The following ALKBH4 variants were observed in gnomAD, a reference collection of about 807,000 sequenced individuals.
The protein encoded by ALKBH4 is alpha-ketoglutarate-dependent dioxygenase alkB homolog 4.
In ALKBH4, 8 loss-of-function variants were observed where a neutral mutation model predicts 12.1. That is an observed-to-expected ratio of 0.66 (90% CI 0.39 to 1.19). The LOEUF (loss-of-function observed/expected upper bound fraction) is 1.19, where lower values mean the gene tolerates loss of function less well. Among genes scored for constraint, ALKBH4 ranks in the 50% most tolerant of loss-of-function variants. The pLI is 0.01. For missense variants in ALKBH4, 403 were observed against 430.4 expected (o/e 0.94, Z 0.56); for synonymous variants, 195 against 191.6 (o/e 1.02, Z -0.15).
intron 2 of ALKBH4, 54 bp from the exon 3 acceptor site, chr7:102,458,035 A>T: frequency 6.7e-7 from 1 of 1,500,502 alleles, no homozygotes; most frequent in South Asian, 1.3e-5. Flanking sequence ...GAAGATGTCT[A>T]CCACAGACTA....
intron 1 of ALKBH4, 23 bp downstream of exon 1, chr7:102,464,691 G>A (rs763554754): frequency 2.0e-6 from 3 of 1,497,248 alleles, no homozygotes; most frequent in African/African-American, 1.5e-5. Flanking sequence ...GTTTGTGGGC[G>A]CGGCCCCTCT....
intron 1 of ALKBH4, 69 bp from the exon 2 acceptor site, chr7:102,459,870 C>G: frequency 6.9e-7 from 1 of 1,454,086 alleles, no homozygotes; most frequent in South Asian, 1.4e-5. Flanking sequence ...AAAGTTAAAA[C>G]AGGCCAGGTG....
Position 102,464,051 on chromosome 7 carries a change from A to G in ALKBH4, c.123+663T>C, listed in dbSNP as rs561051486. Among the ~76,000 whole-genome samples, 51 of 140,324 alleles carry G rather than the reference A, an allele frequency of 3.6e-4. No individual in the cohort carries two copies. The East Asian group carries it at 7.8e-3, about 21-fold the overall frequency. 92.1% of individuals were successfully genotyped at this position (140,324 alleles called of 152,430 possible). Reference sequence around the variant, plus strand: ...TGTGATCAGACCTCCCCCCCCCCACAACCTCTCCAGCCTCATCTCTCTCAC... The same window carrying G: ...TGTGATCAGACCTCCCCCCCCCCACGACCTCTCCAGCCTCATCTCTCTCAC... On this transcript the variant is annotated intron_variant, in intron 1 of 2. Coordinates refer to ENST00000292566, the MANE Select transcript of ALKBH4 (RefSeq NM_017621.4).
rs1325014750 is a variant in ALKBH4 at position 102,456,805 on chromosome 7, A to G, written c.*589T>C. 6.6e-6 allele frequency: 1 copy of G among 152,264 alleles called. No homozygotes were observed. The highest frequency in any genetic ancestry group is 1.9e-4 in the East Asian group (1 of 5,186). 9.4% of individuals were successfully genotyped at this position (152,264 alleles called of 1,614,324 possible). A position where few individuals can be genotyped will look rare whatever the true frequency, so the allele number is the denominator to read the frequency against. The stretch of plus-strand genomic sequence containing the variant: ...AACCCCATGAAAATAGATGCATAAT[A>G]AAGGTGAAAATCATTTAAAATGTTC... On this transcript the variant is annotated 3_prime_UTR_variant, in exon 3 of 3. Coordinates refer to ENST00000292566, the MANE Select transcript of ALKBH4 (RefSeq NM_017621.4).
Position 102,457,789 on chromosome 7 carries a change from C to T in ALKBH4, c.514G>A (p.Asp172Asn), listed in dbSNP as rs769556971. 6.2e-6 allele frequency: 10 copies of T among 1,603,966 alleles called. No homozygotes were observed. In the East Asian group the frequency reaches 6.7e-5, roughly 11 times the overall value. The change falls in exon 3 of 3, where the codon GAC becomes AAC. Residue 172 changes from aspartate (D) to asparagine (N), a missense_variant. Transcript: ENST00000292566. This position sits in a 1 kb window ranked among gnomAD's most constrained non-coding sequence, Gnocchi z 5.9. ...RGSAIDPHLD[D>N]AWLWGERLVS... ...AGCCGCTCCCCCCACAGCCAGGCGT[C>T]GTCCAGGTGGGGGTCAATGGCAGAG...
rs963709700 is a variant in ALKBH4 at position 102,456,723 on chromosome 7, T to C, written c.*671A>G. 3 of 152,192 alleles carry C rather than the reference T, an allele frequency of 2.0e-5. No individual in the cohort carries two copies. Among genetic ancestry groups the C allele is most frequent in the Non-Finnish European group, 4.4e-5 (3 of 68,040 alleles). 9.4% of individuals were successfully genotyped at this position (152,192 alleles called of 1,614,324 possible). A position where few individuals can be genotyped will look rare whatever the true frequency, so the allele number is the denominator to read the frequency against. ...AGTCTAAACTTCAAATCTTCAACCC[T>C]GTTCCCTAATCCAACACATTCCCCA... On this transcript the variant is annotated 3_prime_UTR_variant, in exon 3 of 3. Transcript: ENST00000292566.
In ALKBH4 at chr7:102,457,655, G is replaced by A. The variant is rs1327879543; in HGVS notation, c.648C>T (p.Asp216=). ...APSAAPEALV[D]SVIAPSRSVL... ...CCGACCGGCTGGGTGCTATCACGCT[G>A]TCCACCAAGGCCTCCGGGGCAGCCG... Residue 216 remains aspartate (D), a synonymous_variant, in exon 3 of 3, where the codon GAC becomes GAT. Transcript: ENST00000292566. This position sits in a 1 kb window ranked among gnomAD's most constrained non-coding sequence, Gnocchi z 5.9. 6.4e-7 allele frequency: 1 copy of A among 1,570,034 alleles called. No homozygotes were observed. The highest frequency in any genetic ancestry group is 1.3e-5 in the African/African-American group (1 of 74,150).
At position 102,457,671 on chromosome 7, in the gene ALKBH4, G is replaced by T; in HGVS notation, c.632C>A (p.Pro211Gln). 6.4e-7 allele frequency: 1 copy of T among 1,561,792 alleles called. No individual in the cohort carries two copies. ...TATCACGCTGTCCACCAAGGCCTCC[G>T]GGGCAGCCGACGGGGCCGAGCAGAG... is the stretch of plus-strand genomic sequence containing the variant. The part of the protein sequence containing the change: ...LLLCSAPSAA[P>Q]EALVDSVIAP... The change falls in exon 3 of 3, where the codon CCG becomes CAG. Residue 211 changes from proline to glutamine, a missense_variant. Coordinates refer to ENST00000292566, the MANE Select transcript of ALKBH4 (RefSeq NM_017621.4). This position sits in a 1 kb window ranked among gnomAD's most constrained non-coding sequence, Gnocchi z 5.9.
chr7:102,462,657 C>G (rs999123802), intron 1 of ALKBH4, among the ~76,000 whole-genome samples: 1 of 152,064 alleles, frequency 6.6e-6, no homozygotes, highest in African/African-American at 2.4e-5. Context: ...CATGAGCCAC[C>G]GCACCTGGCC....
Position 102,456,572 on chromosome 7 carries a change from G to A in ALKBH4, c.*822C>T, listed in dbSNP as rs887064232. 2 of 152,096 alleles carry A rather than the reference G, an allele frequency of 1.3e-5. No individual in the cohort carries two copies. The highest frequency in any genetic ancestry group is 2.9e-5 in the Non-Finnish European group (2 of 68,046). 9.4% of individuals were successfully genotyped at this position (152,096 alleles called of 1,614,324 possible). On this transcript the variant is annotated 3_prime_UTR_variant, in exon 3 of 3. Transcript: ENST00000292566. ...TTAATTTTTCCTACTTGTTAACAGCGTTATGGGGCTGGAAGGAGGCTCTCA... is the reference window on the plus strand; with the variant it reads ...TTAATTTTTCCTACTTGTTAACAGCATTATGGGGCTGGAAGGAGGCTCTCA...
intron 1 of ALKBH4, among the ~76,000 whole-genome samples, chr7:102,462,857 C>T (rs1586732234): frequency 6.6e-6 from 1 of 152,154 alleles, no homozygotes; most frequent in East Asian, 1.9e-4. Context: ...GTAGCTCACA[C>T]AACAGGAATC....
Position 102,457,655 on chromosome 7 carries a change from G to C in ALKBH4, c.648C>G (p.Asp216Glu). The change falls in exon 3 of 3, where the codon GAC becomes GAG. Residue 216 changes from aspartate to glutamate, a missense_variant. Asp to Glu is a conservative substitution (Grantham distance 45, BLOSUM62 2). Transcript: ENST00000292566. The surrounding 1 kb of genome is among the most constrained non-coding windows in gnomAD (Gnocchi z 5.9). ...CCGACCGGCTGGGTGCTATCACGCT[G>C]TCCACCAAGGCCTCCGGGGCAGCCG... Reference protein sequence around the residue: ...APSAAPEALVDSVIAPSRSVL... With the variant: ...APSAAPEALVESVIAPSRSVL... The C allele has an allele frequency of 6.4e-7, 1 of 1,570,152 alleles. No individual in the cohort carries two copies. Among genetic ancestry groups the C allele is most frequent in the Non-Finnish European group, 8.6e-7 (1 of 1,164,350 alleles).
chr7:102,464,758 CG>C lies in ALKBH4; in HGVS notation c.78del (p.Cys26TrpfsTer48). ...GCKGIRTCLI[C>X]ERQRGSDPPW... ...GGCGGGTCACTGCCGCGCTGCCGCT[CG>C]CAGATCAGACAGGTCCGGATGCCCT... is the stretch of plus-strand genomic sequence containing the variant. On this transcript the variant is annotated frameshift_variant, in exon 1 of 3. Transcript: ENST00000292566. LOFTEE classifies it high-confidence loss of function. 1 of 1,572,312 alleles carries C rather than the reference CG, an allele frequency of 6.4e-7. No homozygotes were observed. Among genetic ancestry groups the C allele is most frequent in the Non-Finnish European group, 8.6e-7 (1 of 1,162,290 alleles).
At chr7:102,464,239 G>C (rs1174683319) in intron 1 of ALKBH4, among the ~76,000 whole-genome samples, 1 of 152,160 alleles carries the variant, frequency 6.6e-6, no homozygotes, top group Non-Finnish European at 1.5e-5. Context: ...TGTCGCCCAG[G>C]CTGAAGTGAG....
At chr7:102,459,404 G>C (rs1487880838) in intron 2 of ALKBH4, 200 bp downstream of exon 2, 2 of 580,006 alleles carry the variant, frequency 3.4e-6, no homozygotes, top group East Asian at 6.0e-5. Context: ...GGGAGATGGG[G>C]TGCCCAGGTG....
At chr7:102,464,038 TCC>T (rs67493080) in intron 1 of ALKBH4, among the ~76,000 whole-genome samples, 7 of 141,726 alleles carry the variant, frequency 4.9e-5, no homozygotes, top group Non-Finnish European at 1.1e-4. Flanking sequence ...TGATCAGACC[TCC>T]CCCCCCCCAC....
chr7:102,460,820 G>A (rs1797778104), intron 1 of ALKBH4, among the ~76,000 whole-genome samples: 2 of 152,222 alleles, frequency 1.3e-5, no homozygotes, highest in East Asian at 1.9e-4. Context: ...TCACCTAGGA[G>A]GGCAGCCAAC....
chr7:102,464,620 C>G, intron 1 of ALKBH4, 94 bp downstream of exon 1: 1 of 1,424,266 alleles, frequency 7.0e-7, no homozygotes, highest in South Asian at 1.5e-5. Flanking sequence ...CCCTCACAGG[C>G]TTCGATCCCG....
At chr7:102,458,297 T>C (rs1401475316) in intron 2 of ALKBH4, among the ~76,000 whole-genome samples, 2 of 152,144 alleles carry the variant, frequency 1.3e-5, no homozygotes, top group Non-Finnish European at 2.9e-5. Flanking sequence ...AGGCTGGGCA[T>C]GGTGGCTCAC....
Sources: gnomAD v4.1 joint callset for allele counts (sites outside exome capture counted in the v4.1 genomes callset) on GRCh38, gnomAD v4.1.1 for gene constraint, Gnocchi (gnomAD v3.1) non-coding constraint, MANE v1.5 for transcripts, NCBI Gene and HGNC (gene_info 2026-07-23, HGNC 2026-07-21) for gene names.